The following KDM4C variants were observed in gnomAD, a reference collection of about 807,000 sequenced individuals.
KDM4C encodes the protein lysine demethylase 4C.
KDM4C carries 81 observed loss-of-function variants against 129.3 expected under a neutral mutation model. The ratio of observed to expected loss-of-function variants is 0.63; its 90% CI spans 0.52 to 0.75. The LOEUF (loss-of-function observed/expected upper bound fraction) is 0.75, where lower values mean the gene tolerates loss of function less well. KDM4C is among the 30% of genes least tolerant of loss of function. KDM4C has a pLI of 0.00. For missense variants in KDM4C, 1,457 were observed against 1,304.0 expected, an observed-to-expected ratio of 1.12 and a Z score of -1.81; for synonymous variants, 573 against 456.1, an observed-to-expected ratio of 1.26 and a Z score of -3.26.
intron 8 of KDM4C, among the ~76,000 whole-genome samples, chr9:6,926,982 A>G (rs1410104549): frequency 6.6e-6 from 1 of 152,174 alleles, no homozygotes; most frequent in Non-Finnish European, 1.5e-5. Context: ...TGGAGGGAAA[A>G]TATATTGATT....
At chr9:7,116,870 C>G (rs1287919510) in intron 18 of KDM4C, among the ~76,000 whole-genome samples, 1 of 152,174 alleles carries the variant, frequency 6.6e-6, no homozygotes. Flanking sequence ...ACCTCTTCCT[C>G]TCTAATTTTG....
At chr9:6,829,984 T>G (rs527583997) in intron 4 of KDM4C, among the ~76,000 whole-genome samples, 39 of 152,330 alleles carry the variant, frequency 2.6e-4, no homozygotes, top group African/African-American at 8.2e-4. Context: ...AAGTAATTCT[T>G]GTCAGAAAGG....
intron 17 of KDM4C, among the ~76,000 whole-genome samples, chr9:7,071,895 A>G (rs866035058): frequency 5.3e-5 from 8 of 152,326 alleles, no homozygotes; most frequent in Middle Eastern, 3.4e-3. Flanking sequence ...AGACTGGGAC[A>G]GAATATTTGC....
At chr9:6,950,031 C>A (rs562053511) in intron 8 of KDM4C, among the ~76,000 whole-genome samples, 1 of 147,652 alleles carries the variant, frequency 6.8e-6, no homozygotes, top group Non-Finnish European at 1.5e-5. Context: ...CTCTGGCCAC[C>A]CATGTGGCTG....
intron 15 of KDM4C, among the ~76,000 whole-genome samples, chr9:7,019,296 A>T (rs919265465): frequency 6.6e-6 from 1 of 152,118 alleles, no homozygotes; most frequent in African/African-American, 2.4e-5. Context: ...AATCAATCTC[A>T]TATCTTCAGT....
rs1048227905 is a variant in KDM4C, at chr9:6,901,130, C to A, written c.921+7898C>A. The stretch of plus-strand genomic sequence containing the variant: ...GTGTGTTTTCTGGCTCATGATTACC[C>A]AGAAGAGAAAGCAGTGGGCAGAACA... On this transcript the variant is annotated intron_variant, in intron 8 of 21. Transcript: ENST00000381309. 4.6e-5 allele frequency among the ~76,000 whole-genome samples: 7 copies of A among 152,120 alleles called. 1 individual carries two copies. In the South Asian group the frequency reaches 1.2e-3, roughly 27 times the overall value.
intron 5 of KDM4C, among the ~76,000 whole-genome samples, chr9:6,856,854 T>C (rs1345330815): frequency 2.0e-5 from 3 of 147,682 alleles, no homozygotes; most frequent in Non-Finnish European, 4.4e-5. Flanking sequence ...GCTTCCCGGG[T>C]TCACGCCATT....
At chr9:6,965,913 C>G (rs964490732) in intron 8 of KDM4C, among the ~76,000 whole-genome samples, 5 of 152,146 alleles carry the variant, frequency 3.3e-5, no homozygotes, top group Non-Finnish European at 7.4e-5. Flanking sequence ...GTCAAATTGA[C>G]ACATAAAATT....
Position 7,103,802 on chromosome 9 carries a change from A to G in KDM4C, c.2542A>G (p.Met848Val), listed in dbSNP as rs1587657978. 1 of 1,613,868 alleles carries G rather than the reference A, an allele frequency of 6.2e-7. No individual in the cohort carries two copies. Among genetic ancestry groups the G allele is most frequent in the Non-Finnish European group, 8.5e-7 (1 of 1,179,908 alleles). The part of the protein sequence containing the change: ...VTCAHAAGVL[M>V]EPDDWPYVVN... ...TTGTGCCCATGCTGCTGGGGTACTG[A>G]TGGAGCCTGATGACTGGCCTTATGT... The change falls in exon 18 of 22, where the codon ATG (methionine) becomes GTG (valine). Residue 848 changes from methionine to valine, a missense_variant. By Grantham distance (21) the Met-to-Val change is conservative. Coordinates refer to ENST00000381309, the MANE Select transcript of KDM4C (RefSeq NM_015061.6).
chr9:6,815,401 T>C (rs2131152711), intron 4 of KDM4C, among the ~76,000 whole-genome samples: 1 of 152,260 alleles, frequency 6.6e-6, no homozygotes. Context: ...TTTCAAAACA[T>C]ACAGGGTCTC....
chr9:7,099,294 G>T (rs761434408), intron 17 of KDM4C, among the ~76,000 whole-genome samples: 5 of 152,212 alleles, frequency 3.3e-5, no homozygotes, highest in Non-Finnish European at 7.3e-5. Context: ...TGAACCTCCA[G>T]CTCCTTCACA....
At chr9:6,759,781 C>T (rs1205502134) in intron 1 of KDM4C, among the ~76,000 whole-genome samples, 9 of 151,640 alleles carry the variant, frequency 5.9e-5, no homozygotes, top group African/African-American at 2.2e-4. Flanking sequence ...GGCGAAACCT[C>T]GTCTGTACCA....
chr9:6,882,710 A>G (rs1844639643), intron 6 of KDM4C, among the ~76,000 whole-genome samples: 1 of 152,208 alleles, frequency 6.6e-6, no homozygotes, highest in African/African-American at 2.4e-5. Flanking sequence ...AGCAGTATTT[A>G]GCAAAAGGGA....
At chr9:6,870,008 A>G (rs188543111) in intron 5 of KDM4C, among the ~76,000 whole-genome samples, 1 of 152,362 alleles carries the variant, frequency 6.6e-6, no homozygotes, top group East Asian at 1.9e-4. Context: ...CGCATCTATA[A>G]AATCCATAGT....
intron 8 of KDM4C, among the ~76,000 whole-genome samples, chr9:6,972,873 A>T (rs1342510352): frequency 1.3e-5 from 2 of 152,242 alleles, no homozygotes; most frequent in Non-Finnish European, 2.9e-5. Flanking sequence ...GAGAAATTGT[A>T]AGAACACTGA....
At chr9:6,808,645 A>T (rs1350002162) in intron 3 of KDM4C, among the ~76,000 whole-genome samples, 1 of 142,308 alleles carries the variant, frequency 7.0e-6, no homozygotes, top group Non-Finnish European at 1.5e-5. Context: ...TTGTCCCATG[A>T]CCCTGCCAAA....
At chr9:6,728,249 T>A (rs1431661843) in intron 1 of KDM4C, among the ~76,000 whole-genome samples, 1 of 152,162 alleles carries the variant, frequency 6.6e-6, no homozygotes, top group Non-Finnish European at 1.5e-5. Context: ...AAACCAAGTA[T>A]TCTTGGCCGG....
rs373350316 is a variant in KDM4C, at chr9:7,113,554, G to T, written c.2610+9684G>T. ...CAGTGAGCATCATGCTTCTCTCCCT[G>T]TGCTTTCTGTTGATAGAGCAAGGGC... On this transcript the variant is annotated intron_variant, in intron 18 of 21. Coordinates refer to ENST00000381309, the MANE Select transcript of KDM4C (RefSeq NM_015061.6). 5.9e-5 allele frequency among the ~76,000 whole-genome samples: 9 copies of T among 152,242 alleles called. No individual in the cohort carries two copies. In the East Asian group the frequency reaches 1.2e-3, roughly 20 times the overall value.
intron 7 of KDM4C, among the ~76,000 whole-genome samples, chr9:6,892,308 C>T (rs1024040959): frequency 7.2e-5 from 11 of 152,024 alleles, no homozygotes; most frequent in Admixed American, 3.3e-4. Context: ...ATTTTTGTAT[C>T]GGATAGATAC....
Sources: allele counts gnomAD v4.1 joint callset (sites outside exome capture counted in the v4.1 genomes callset), GRCh38; gene constraint gnomAD v4.1.1; transcripts MANE v1.5; gene names NCBI Gene and HGNC (gene_info 2026-07-23, HGNC 2026-07-21).